The following TEX36 variants were observed in gnomAD, a reference collection of about 807,000 sequenced individuals.
TEX36 encodes testis expressed 36, also known as testis-expressed protein 36.
A neutral mutation model predicts 13.6 loss-of-function variants in TEX36; 12 were observed. That is an observed-to-expected ratio of 0.88 (90% CI 0.56 to 1.43). The LOEUF is 1.43. Ranked by LOEUF, TEX36 falls within the 40% of genes most tolerant of loss-of-function variation. The pLI is 0.00. For missense variants in TEX36, 224 were observed against 228.3 expected (o/e 0.98, Z 0.12); for synonymous variants, 93 against 83.0 (o/e 1.12, Z -0.65).
chr10:125,621,907 C>T (rs1313460346), intron 3 of TEX36, among the ~76,000 whole-genome samples: 1 of 152,200 alleles, frequency 6.6e-6, no homozygotes, highest in African/African-American at 2.4e-5. Context: ...CCTCCACCTG[C>T]TTCGTTCTAG....
At chr10:125,631,139 T>G (rs943807253) in intron 3 of TEX36, among the ~76,000 whole-genome samples, 3 of 152,236 alleles carry the variant, frequency 2.0e-5, no homozygotes, top group Admixed American at 6.5e-5. Flanking sequence ...AAATCAGGCA[T>G]GCTGAAAGGA....
chr10:125,617,406 A>G (rs1014995359), downstream of TEX36, among the ~76,000 whole-genome samples: 1 of 152,030 alleles, frequency 6.6e-6, no homozygotes, highest in African/African-American at 2.4e-5. Context: ...TTTTGGCATG[A>G]TTTTGCAGTG....
intron 3 of TEX36, chr10:125,621,753 C>G: frequency 2.3e-6 from 1 of 427,842 alleles, no homozygotes; most frequent in Non-Finnish European, 4.6e-6. Flanking sequence ...CAAGAGCCCC[C>G]CAGAAGCCAC....
intron 3 of TEX36, among the ~76,000 whole-genome samples, chr10:125,624,345 G>A (rs1450881245): frequency 6.6e-6 from 1 of 152,222 alleles, no homozygotes; most frequent in Admixed American, 6.5e-5. Flanking sequence ...CACAGGTTGA[G>A]TGTTGGGGGT....
chr10:125,588,230 T>C (rs1845981396), intron 3 of TEX36, among the ~76,000 whole-genome samples: 1 of 152,230 alleles, frequency 6.6e-6, no homozygotes, highest in Admixed American at 6.5e-5. Flanking sequence ...CCAAAAGGAT[T>C]GTATCCAAGA....
At chr10:125,633,141 A>G (rs1226343961) in intron 3 of TEX36, among the ~76,000 whole-genome samples, 1 of 152,142 alleles carries the variant, frequency 6.6e-6, no homozygotes, top group Non-Finnish European at 1.5e-5. Context: ...AAAAAATTAT[A>G]TGCATACTTC....
intron 3 of TEX36, among the ~76,000 whole-genome samples, chr10:125,657,338 CT>C (rs1846963902): frequency 6.6e-6 from 1 of 152,062 alleles, no homozygotes; most frequent in African/African-American, 2.4e-5. Context: ...GGCTCCAGGA[CT>C]GAGGGGACTG....
At chr10:125,677,612 T>C (rs1565192503) in intron 1 of TEX36, among the ~76,000 whole-genome samples, 1 of 152,210 alleles carries the variant, frequency 6.6e-6, no homozygotes, top group Non-Finnish European at 1.5e-5. Flanking sequence ...TCCTGAATTA[T>C]TTTTCTGATT....
chr10:125,667,959 TG>T (rs1463836181), intron 1 of TEX36: 2 of 952,924 alleles, frequency 2.1e-6, no homozygotes, highest in Non-Finnish European at 3.4e-6. Flanking sequence ...ATGGTGCTGG[TG>T]GTGGCAAGTT....
intron 3 of TEX36, among the ~76,000 whole-genome samples, chr10:125,597,447 G>A (rs1156758264): frequency 6.6e-6 from 1 of 152,206 alleles, no homozygotes; most frequent in African/African-American, 2.4e-5. Context: ...TACCCAAACT[G>A]CCCAATAGCT....
At chr10:125,658,026 G>A (rs897549844) in intron 3 of TEX36, among the ~76,000 whole-genome samples, 15 of 151,928 alleles carry the variant, frequency 9.9e-5, no homozygotes, top group African/African-American at 3.6e-4. Context: ...AAAAATATAA[G>A]CATAATAAAT....
intron 1 of TEX36, among the ~76,000 whole-genome samples, chr10:125,679,659 G>T (rs1207677020): frequency 6.6e-6 from 1 of 152,172 alleles, no homozygotes; most frequent in African/African-American, 2.4e-5. Context: ...ATCCCGGCCA[G>T]GCAGGCTGCC....
chr10:125,586,385 T>C (rs1256744191), intron 3 of TEX36, among the ~76,000 whole-genome samples: 1 of 152,198 alleles, frequency 6.6e-6, no homozygotes, highest in Admixed American at 6.5e-5. Flanking sequence ...TTTCAGGTCT[T>C]GTACATTTCT....
intron 3 of TEX36, among the ~76,000 whole-genome samples, chr10:125,604,366 T>C (rs1276321827): frequency 6.6e-6 from 1 of 152,196 alleles, no homozygotes; most frequent in East Asian, 1.9e-4. Context: ...TGCAAGGGAC[T>C]AATTTGCACG....
chr10:125,600,234 A>G (rs1053301580), intron 3 of TEX36, among the ~76,000 whole-genome samples: 1 of 152,142 alleles, frequency 6.6e-6, no homozygotes, highest in Non-Finnish European at 1.5e-5. Context: ...AAAATTTTGG[A>G]AGAGTTGGCT....
intron 3 of TEX36, among the ~76,000 whole-genome samples, chr10:125,588,904 C>T (rs369424891): frequency 1.1e-4 from 17 of 152,182 alleles, no homozygotes; most frequent in Non-Finnish European, 2.2e-4. Flanking sequence ...GCGTGAGCCA[C>T]GGCACCCAAC....
At chr10:125,658,662 A>G (rs1347396103) in intron 3 of TEX36, among the ~76,000 whole-genome samples, 1 of 152,158 alleles carries the variant, frequency 6.6e-6, no homozygotes, top group East Asian at 1.9e-4. Context: ...TGAGAATCTT[A>G]GATTATACTC....
At chr10:125,633,215 T>C (rs577808558) in intron 3 of TEX36, among the ~76,000 whole-genome samples, 4 of 152,334 alleles carry the variant, frequency 2.6e-5, no homozygotes, top group Admixed American at 2.6e-4. Context: ...GACGGTTAAT[T>C]ACCTGAAAGA....
chr10:125,622,968 G>A (rs1300706996), intron 3 of TEX36, among the ~76,000 whole-genome samples: 1 of 152,166 alleles, frequency 6.6e-6, no homozygotes, highest in African/African-American at 2.4e-5. Flanking sequence ...GCAGAACATA[G>A]TGTCACAGTA....
Sources: gnomAD v4.1 joint callset for allele counts (sites outside exome capture counted in the v4.1 genomes callset) on GRCh38, gnomAD v4.1.1 for gene constraint, MANE v1.5 for transcripts, NCBI Gene and HGNC (gene_info 2026-07-23, HGNC 2026-07-21) for gene names.